Variants in MYH1 observed in about 807,000 individuals in gnomAD.
MYH1 encodes the protein myosin-1.
A neutral mutation model predicts 225.6 loss-of-function variants in MYH1; 214 were observed. The ratio of observed to expected loss-of-function variants is 0.95; its 90% confidence interval spans 0.85 to 1.06. The LOEUF (loss-of-function observed/expected upper bound fraction) is 1.06, where lower values mean the gene tolerates loss of function less well. Ranked by LOEUF, MYH1 falls within the 50% of genes least tolerant of loss-of-function variation. MYH1 has a pLI of 0.00. For missense variants in MYH1, 2,098 were observed against 2,344.2 expected (o/e 0.89, Z 2.17); for synonymous variants, 774 against 842.3 (o/e 0.92, Z 1.40).
chr17:10,506,115 A>G lies in MYH1; in HGVS notation c.1969-16T>C. ...TCAAATTCTCCTGTGGAACCATGCGAGTTTATACTTTAAAAAATGTACTGT... is the reference window on the plus strand; with the variant it reads ...TCAAATTCTCCTGTGGAACCATGCGGGTTTATACTTTAAAAAATGTACTGT... On this transcript the variant is annotated splice_polypyrimidine_tract_variant and intron_variant, in intron 17 of 39. Transcript: ENST00000226207. The G allele has an allele frequency of 1.2e-6, 2 of 1,613,954 alleles. No individual in the cohort carries two copies. Among genetic ancestry groups the G allele is most frequent in the Non-Finnish European group, 1.7e-6 (2 of 1,179,888 alleles).
intron 23 of MYH1, 23 bp downstream of exon 23, chr17:10,502,983 G>C (rs369866293): frequency 2.5e-6 from 4 of 1,614,134 alleles, no homozygotes; most frequent in Admixed American, 1.7e-5. Context: ...CCTCTATACA[G>C]TACTGTAGAA....
At position 10,498,809 on chromosome 17, in the gene MYH1, A is replaced by G; in HGVS notation, c.3998T>C (p.Leu1333Pro). ...GCGGGAGGACTGCAGGGCATGTGCCAGGGCACTCTTGGCCTGAGAACATAG... is the reference window on the plus strand; with the variant it reads ...GCGGGAGGACTGCAGGGCATGTGCCGGGGCACTCTTGGCCTGAGAACATAG... ...LEEEIKAKSALAHALQSSRHD... is the reference protein window; with the variant it reads ...LEEEIKAKSAPAHALQSSRHD... Residue 1333 changes from leucine (L) to proline (P), a missense_variant, in exon 30 of 40, where the codon CTG (leucine) becomes CCG (proline). Coordinates refer to ENST00000226207, the MANE Select transcript of MYH1 (RefSeq NM_005963.4). 6.2e-7 allele frequency: 1 copy of G among 1,614,154 alleles called. No homozygotes were observed. The highest frequency in any genetic ancestry group is 8.5e-7 in the Non-Finnish European group (1 of 1,179,976).
chr17:10,502,179 C>T (rs1418325671), intron 24 of MYH1, among the ~76,000 whole-genome samples: 2 of 152,188 alleles, frequency 1.3e-5, no homozygotes, highest in South Asian at 2.1e-4. Context: ...CAATACTTTT[C>T]CAGCTGGGAT....
chr17:10,497,388 T>A lies in MYH1; in HGVS notation c.4430A>T (p.Glu1477Val). The A allele has an allele frequency of 6.2e-7, 1 of 1,613,732 alleles. No individual in the cohort carries two copies. Among genetic ancestry groups the A allele is most frequent in the Non-Finnish European group, 8.5e-7 (1 of 1,179,930 alleles). Reference sequence around the variant, plus strand: ...TAGTTCTGTGCTGAGTGAGCGGGATTCCTTTTGAGAAGCTTCAAGTTCAGC... The same window carrying A: ...TAGTTCTGTGCTGAGTGAGCGGGATACCTTTTGAGAAGCTTCAAGTTCAGC... ...THAELEASQK[E>V]SRSLSTELFK... Residue 1477 changes from glutamate to valine, a missense_variant, in exon 32 of 40, where the codon GAA (glutamate) becomes GTA (valine). Coordinates refer to ENST00000226207, the MANE Select transcript of MYH1 (RefSeq NM_005963.4).
chr17:10,505,063 T>C lies in MYH1; in HGVS notation c.2438A>G (p.Glu813Gly), dbSNP rs191339081. 12 of 1,614,026 alleles carry C rather than the reference T, an allele frequency of 7.4e-6. No individual in the cohort carries two copies. Among genetic ancestry groups the C allele is most frequent in the African/African-American group, 1.3e-5 (1 of 74,920 alleles). Residue 813 changes from glutamate to glycine, a missense_variant and splice_region_variant, in exon 22 of 40, where the codon GAG becomes GGG. Transcript: ENST00000226207. Reference sequence around the variant, plus strand: ...ATTGTACTGGATGCAGAAGATGGACTCTCTGTCATAGGAACAGAAATGTCC... The same window carrying C: ...ATTGTACTGGATGCAGAAGATGGACCCTCTGTCATAGGAACAGAAATGTCC... ...VEYQKMVERRESIFCIQYNVR... is the reference protein window; with the variant it reads ...VEYQKMVERRGSIFCIQYNVR...
Position 10,514,848 on chromosome 17 carries a change from C to A in MYH1, c.533+20G>T. 6.2e-7 allele frequency: 1 copy of A among 1,603,066 alleles called. No individual in the cohort carries two copies. Among genetic ancestry groups the A allele is most frequent in the South Asian group, 1.1e-5 (1 of 89,674 alleles). On this transcript the variant is annotated intron_variant, in intron 6 of 39. Transcript: ENST00000226207. ...CAGTAAGAACAAACTGCCAATAAAT[C>A]TCAGAATAGGAATACATACGTGATC...
intron 28 of MYH1, among the ~76,000 whole-genome samples, chr17:10,499,825 T>C (rs1597436427): frequency 6.6e-6 from 1 of 152,338 alleles, no homozygotes; most frequent in East Asian, 1.9e-4. Flanking sequence ...AGTATTTGAA[T>C]ACCAAAAGTG....
chr17:10,512,696 C>T lies in MYH1; in HGVS notation c.993G>A (p.Glu331=). The change falls in exon 11 of 40, where the codon GAG becomes GAA. Residue 331 remains glutamate (E), a synonymous_variant. Transcript: ENST00000226207. The part of the protein sequence containing the change: ...ITVPSIDDQE[E]LMATDSAIEI... ...TATAACTTACATCTGTAGCCATCAACTCTTCTTGGTCATCAATGCTGGGCA... is the reference window on the plus strand; with the variant it reads ...TATAACTTACATCTGTAGCCATCAATTCTTCTTGGTCATCAATGCTGGGCA... The T allele has an allele frequency of 6.2e-7, 1 of 1,614,066 alleles. No homozygotes were observed.
chr17:10,499,985 A>G (rs1185005979), intron 28 of MYH1, among the ~76,000 whole-genome samples: 1 of 152,166 alleles, frequency 6.6e-6, no homozygotes, highest in Non-Finnish European at 1.5e-5. Flanking sequence ...AAATGCAGAG[A>G]CTTTCCAATT....
intron 22 of MYH1, 62 bp downstream of exon 22, chr17:10,504,748 T>G: frequency 6.3e-7 from 1 of 1,576,728 alleles, no homozygotes; most frequent in Non-Finnish European, 8.7e-7. Flanking sequence ...AGATCTCTCC[T>G]TAGTGACCAC....
At position 10,502,799 on chromosome 17, in the gene MYH1, T is replaced by C; in HGVS notation, c.3050A>G (p.Glu1017Gly). The C allele has an allele frequency of 6.2e-7, 1 of 1,614,162 alleles. No individual in the cohort carries two copies. The highest frequency in any genetic ancestry group is 1.7e-5 in the Admixed American group (1 of 60,034). Residue 1017 changes from glutamate to glycine, a missense_variant, in exon 24 of 40, where the codon GAG becomes GGG. By Grantham distance (98) the Glu-to-Gly change is moderately conservative (BLOSUM62 -2). Coordinates refer to ENST00000226207, the MANE Select transcript of MYH1 (RefSeq NM_005963.4). ...HQQTLDDLQA[E>G]EDKVNTLTKA... Reference sequence around the variant, plus strand: ...GGTCAGGGTGTTGACTTTGTCCTCCTCTGCCTGCAGGTCATCCAGGGTCTG... The same window carrying C: ...GGTCAGGGTGTTGACTTTGTCCTCCCCTGCCTGCAGGTCATCCAGGGTCTG...
rs113019239 is a variant in MYH1, at chr17:10,514,112, G to A, written c.546C>T (p.Gly182=). 4,615 of 1,614,090 alleles carry A rather than the reference G, an allele frequency of 2.9e-3. 90 individuals are homozygous for A. The African/African-American group carries it at 0.042, about 15-fold the overall frequency. The change falls in exon 7 of 40, where the codon GGC becomes GGT. Residue 182 remains glycine (G), a synonymous_variant. Coordinates refer to ENST00000226207, the MANE Select transcript of MYH1 (RefSeq NM_005963.4). ...NQSILITGES[G]AGKTVNTKRV... is the part of the protein sequence containing the mutation. Reference sequence around the variant, plus strand: ...GCTTGGTGTTCACAGTCTTCCCTGCGCCAGATTCTCCGCTGTCAAAGACCA... The same window carrying A: ...GCTTGGTGTTCACAGTCTTCCCTGCACCAGATTCTCCGCTGTCAAAGACCA...
chr17:10,497,919 T>C lies in MYH1; in HGVS notation c.4182-2A>G. 6.3e-7 allele frequency: 1 copy of C among 1,595,120 alleles called. No homozygotes were observed. The highest frequency in any genetic ancestry group is 8.5e-7 in the Non-Finnish European group (1 of 1,174,598). On this transcript the variant is annotated splice_acceptor_variant, in intron 30 of 39. Transcript: ENST00000226207. LOFTEE classifies it high-confidence loss of function. ...TGCAGACGCTGAGCCAGCTTCTTCC[T>C]ATGAAATATGGGCAATAAAAGTGAA...
At position 10,497,410 on chromosome 17, in the gene MYH1, C is replaced by T. The variant is rs756507941; in HGVS notation, c.4408G>A (p.Glu1470Lys). 6 of 1,612,180 alleles carry T rather than the reference C, an allele frequency of 3.7e-6. No homozygotes were observed. Among genetic ancestry groups the T allele is most frequent in the Admixed American group, 1.7e-5 (1 of 59,696 alleles). Reference sequence around the variant, plus strand: ...GATTCCTTTTGAGAAGCTTCAAGTTCAGCATGAGTTTCTTCACACTTCTGT... The same window carrying T: ...GATTCCTTTTGAGAAGCTTCAAGTTTAGCATGAGTTTCTTCACACTTCTGT... ...WKQKCEETHA[E>K]LEASQKESRS... Residue 1470 changes from glutamate (E) to lysine (K), a missense_variant, in exon 32 of 40, where the codon GAA (glutamate) becomes AAA (lysine). Transcript: ENST00000226207.
chr17:10,513,998 A>T lies in MYH1; in HGVS notation c.648+12T>A. 2 of 1,614,080 alleles carry T rather than the reference A, an allele frequency of 1.2e-6. No individual in the cohort carries two copies. The highest frequency in any genetic ancestry group is 1.7e-6 in the Non-Finnish European group (2 of 1,179,948). On this transcript the variant is annotated intron_variant, in intron 7 of 39. Transcript: ENST00000226207. ...CGACAGAGCCTGGATTCTGACTAAC[A>T]ATCAGACTCACCTGCATTTTGCCAG...
Position 10,501,909 on chromosome 17 carries a change from A to G in MYH1, c.3114T>C (p.Leu1038=), listed in dbSNP as rs1207456623. ...KIKLEQQVDD[L]EGSLEQEKKI... is the part of the protein sequence containing the mutation. Reference sequence around the variant, plus strand: ...TCTTTTCTTGTTCCAAAGATCCTTCAAGCTAAAAGTTAATAATCCATGAAT... The same window carrying G: ...TCTTTTCTTGTTCCAAAGATCCTTCGAGCTAAAAGTTAATAATCCATGAAT... Residue 1038 remains leucine (L), a splice_region_variant and synonymous_variant, in exon 25 of 40, where the codon CTT becomes CTC. Transcript: ENST00000226207. The G allele has an allele frequency of 1.2e-6, 2 of 1,600,642 alleles. No individual in the cohort carries two copies. Among genetic ancestry groups the G allele is most frequent in the Non-Finnish European group, 1.7e-6 (2 of 1,176,630 alleles).
intron 28 of MYH1, among the ~76,000 whole-genome samples, chr17:10,500,378 A>T (rs929712175): frequency 1.3e-5 from 2 of 150,246 alleles, no homozygotes; most frequent in Non-Finnish European, 3.0e-5. Context: ...ATATATATAT[A>T]TGTATGTATG....
rs748307517 is a variant in MYH1, at chr17:10,494,410, G to A, written c.5611C>T (p.Leu1871=). Residue 1871 remains leucine, a synonymous_variant, in exon 39 of 40, where the codon CTG becomes TTG. Coordinates refer to ENST00000226207, the MANE Select transcript of MYH1 (RefSeq NM_005963.4). ...ACCTTTGCTTGCAGTTTGTCCACCA[G>A]GTCCTGGAGCCTGAGAATATTCTTG... ...DRKNILRLQD[L]VDKLQAKVKS... 2.5e-6 allele frequency: 4 copies of A among 1,614,124 alleles called. No homozygotes were observed. The Admixed American group carries it at 5.0e-5, about 20-fold the overall frequency.
chr17:10,494,861 A>G, intron 37 of MYH1, 70 bp downstream of exon 37: 1 of 1,612,962 alleles, frequency 6.2e-7, no homozygotes, highest in Non-Finnish European at 8.5e-7. Context: ...ATCATCTAGC[A>G]GTGCTAGGTA....
Sources: gnomAD v4.1 joint callset for allele counts (sites outside exome capture counted in the v4.1 genomes callset) on GRCh38, gnomAD v4.1.1 for gene constraint, MANE v1.5 for transcripts, NCBI Gene and HGNC (gene_info 2026-07-23, HGNC 2026-07-21) for gene names.